The following DLC1 variants were observed in gnomAD, a reference collection of about 807,000 sequenced individuals.
DLC1 encodes the protein rho GTPase-activating protein 7.
Under a neutral mutation model 140.3 loss-of-function variants are expected in DLC1, and 54 were observed. That is an observed-to-expected ratio of 0.38 (90% CI 0.31 to 0.48). The LOEUF is 0.48. Ranked by LOEUF, DLC1 falls within the 20% of genes least tolerant of loss-of-function variation. The pLI is 0.96. For synonymous variants in DLC1, 986 were observed against 728.1 expected (o/e 1.35, Z -5.70); for missense variants, 2,536 against 1,907.0 (o/e 1.33, Z -6.14).
intron 2 of DLC1, among the ~76,000 whole-genome samples, chr8:13,458,174 A>C (rs1799497492): frequency 6.6e-6 from 1 of 152,224 alleles, no homozygotes; most frequent in Admixed American, 6.5e-5. Context: ...GAACTTTAAC[A>C]GACAAATTAT....
chr8:13,585,880 C>G (rs1363979210), intron 1 of DLC1, among the ~76,000 whole-genome samples: 1 of 152,158 alleles, frequency 6.6e-6, no homozygotes, highest in Non-Finnish European at 1.5e-5. Context: ...CAGTCACATT[C>G]TGAAGTACTT....
At chr8:13,521,689 C>T (rs1802771682) in intron 1 of DLC1, among the ~76,000 whole-genome samples, 1 of 152,122 alleles carries the variant, frequency 6.6e-6, no homozygotes, top group African/African-American at 2.4e-5. Flanking sequence ...TCTCAGCCCA[C>T]CATTTGGGGG....
At chr8:13,592,834 C>G (rs952571868) in intron 1 of DLC1, among the ~76,000 whole-genome samples, 5 of 152,098 alleles carry the variant, frequency 3.3e-5, no homozygotes, top group African/African-American at 1.2e-4. Flanking sequence ...TGATTTGTCT[C>G]TGTTACACAC....
rs80342143 is a variant in DLC1 at position 13,102,263 on chromosome 8, G to T, written c.1566+527C>A. Among the ~76,000 whole-genome samples, 221 of 152,230 alleles carry T rather than the reference G, an allele frequency of 1.5e-3. 1 individual carries two copies. The East Asian group carries it at 0.023, about 16-fold the overall frequency. ...CGCAGAAGAAAATACCATCCAGCTC[G>T]GTTGTGTACCACCATTTGACTAAAC... On this transcript the variant is annotated intron_variant, in intron 8 of 17. Coordinates refer to ENST00000276297, the MANE Select transcript of DLC1 (RefSeq NM_182643.3).
chr8:13,204,037 C>T (rs115295315), intron 5 of DLC1, among the ~76,000 whole-genome samples: 1,956 of 152,114 alleles, frequency 0.013, 50 homozygotes, highest in African/African-American at 0.044. Flanking sequence ...GTAGTACTCA[C>T]GGTGTGTGTT....
At chr8:13,506,000 C>T (rs117511542) in intron 1 of DLC1, among the ~76,000 whole-genome samples, 3,541 of 152,222 alleles carry the variant, frequency 0.023, 66 homozygotes, top group Middle Eastern at 0.037. Context: ...TGTATTCATC[C>T]CATCAAATGC....
chr8:13,339,195 G>T (rs878857485), intron 4 of DLC1, among the ~76,000 whole-genome samples: 1 of 152,156 alleles, frequency 6.6e-6, no homozygotes, highest in Non-Finnish European at 1.5e-5. Flanking sequence ...ACATTGAAAT[G>T]ATGCACGTAA....
At chr8:13,455,404 G>A (rs1307021091) in intron 2 of DLC1, among the ~76,000 whole-genome samples, 1 of 152,078 alleles carries the variant, frequency 6.6e-6, no homozygotes. Context: ...ATTCTCCAAA[G>A]CCTAATGTCG....
In DLC1 at chr8:13,567,091, A is replaced by T. The variant is rs188494481; in HGVS notation, c.-126+37446T>A. The stretch of plus-strand genomic sequence containing the variant: ...GAAGAACTCTACTGATGAGGTACAG[A>T]CTTCCAGCTCATTCAGCTCCTCTGG... On this transcript the variant is annotated intron_variant, in intron 1 of 1. Transcript: ENST00000631382. The T allele has an allele frequency of 3.1e-3, 4,858 of 1,551,758 alleles. 26 individuals are homozygous for T. The highest frequency in any genetic ancestry group is 8.8e-3 in the South Asian group (736 of 84,064).
chr8:13,319,871 G>A (rs1243275202), intron 4 of DLC1, among the ~76,000 whole-genome samples: 2 of 113,758 alleles, frequency 1.8e-5, no homozygotes, highest in Non-Finnish European at 3.3e-5. Flanking sequence ...CGCCCAGGCT[G>A]CAGTGCACTG....
chr8:13,304,703 C>T (rs923388007), intron 5 of DLC1: 13 of 961,150 alleles, frequency 1.4e-5, no homozygotes, highest in Non-Finnish European at 1.6e-5. Flanking sequence ...ATCTACCAAT[C>T]CATGTCTAAT....
At chr8:13,454,194 A>T (rs1585136453) in intron 2 of DLC1, among the ~76,000 whole-genome samples, 1 of 152,182 alleles carries the variant, frequency 6.6e-6, no homozygotes, top group Non-Finnish European at 1.5e-5. Flanking sequence ...GCTGAGAATC[A>T]TGTCTCCTGG....
intron 2 of DLC1, among the ~76,000 whole-genome samples, chr8:13,457,060 T>G (rs1799421969): frequency 6.6e-6 from 1 of 152,214 alleles, no homozygotes; most frequent in Non-Finnish European, 1.5e-5. Flanking sequence ...AAATCTTTGT[T>G]TTTGATTCAA....
intron 4 of DLC1, among the ~76,000 whole-genome samples, chr8:13,366,153 C>T (rs953030531): frequency 1.3e-5 from 2 of 152,196 alleles, no homozygotes; most frequent in Admixed American, 6.5e-5. Flanking sequence ...AGCTGTTTAA[C>T]ACTGGGTTCC....
intron 1 of DLC1, among the ~76,000 whole-genome samples, chr8:13,509,089 A>G (rs1340785459): frequency 1.2e-4 from 18 of 152,200 alleles, no homozygotes. Flanking sequence ...TTGCTGTATT[A>G]TAAAAAGATA....
chr8:13,521,633 A>C (rs1802769872), intron 1 of DLC1, among the ~76,000 whole-genome samples: 1 of 152,110 alleles, frequency 6.6e-6, no homozygotes, highest in African/African-American at 2.4e-5. Flanking sequence ...GATTCATTCT[A>C]ACTAGTTCCT....
chr8:13,128,056 C>CA lies in DLC1; in HGVS notation c.1349-12400dup, dbSNP rs1563652566. 2.6e-4 allele frequency among the ~76,000 whole-genome samples: 39 copies of CA among 151,580 alleles called. 1 individual carries two copies. Among genetic ancestry groups the CA allele is most frequent in the African/African-American group, 9.4e-4 (39 of 41,346 alleles). Reference sequence around the variant, plus strand: ...TCTAGTAGAACAAAAAAAAAAACCCCAAAAAAACAACAACCAAAAAACCCC... The same window carrying CA: ...TCTAGTAGAACAAAAAAAAAAACCCCAAAAAAAACAACAACCAAAAAACCCC... On this transcript the variant is annotated intron_variant, in intron 5 of 17. Transcript: ENST00000276297.
chr8:13,537,215 A>G (rs1364212539), intron 1 of DLC1, among the ~76,000 whole-genome samples: 1 of 152,238 alleles, frequency 6.6e-6, no homozygotes, highest in African/African-American at 2.4e-5. Flanking sequence ...ATAAAATCAA[A>G]GAAGATAAAA....
At position 13,295,833 on chromosome 8, in the gene DLC1, T is replaced by A. The variant is rs372738991; in HGVS notation, c.1348+9436A>T. 5.9e-5 allele frequency among the ~76,000 whole-genome samples: 9 copies of A among 152,232 alleles called. No homozygotes were observed. In the South Asian group the frequency reaches 1.7e-3, roughly 28 times the overall value. On this transcript the variant is annotated intron_variant, in intron 5 of 17. Coordinates refer to ENST00000276297, the MANE Select transcript of DLC1 (RefSeq NM_182643.3). ...AACACTTTTCTTGTGGGTACGTATTTGTGTATATATTCACATTATTAATAA... is the reference window on the plus strand; with the variant it reads ...AACACTTTTCTTGTGGGTACGTATTAGTGTATATATTCACATTATTAATAA...
Sources: gnomAD v4.1 joint callset for allele counts (sites outside exome capture counted in the v4.1 genomes callset) on GRCh38, gnomAD v4.1.1 for gene constraint, MANE v1.5 for transcripts, NCBI Gene and HGNC (gene_info 2026-07-23, HGNC 2026-07-21) for gene names.